Variants in PCDH9 observed in about 807,000 individuals in gnomAD.
PCDH9 encodes the protein protocadherin 9, also known as protocadherin-9.
Under a neutral mutation model 70.6 loss-of-function variants are expected in PCDH9, and 24 were observed. The observed-to-expected ratio is 0.34, with a 90% CI of 0.25 to 0.48. The LOEUF is 0.48. Ranked by LOEUF, PCDH9 falls within the 20% of genes least tolerant of loss-of-function variation. The pLI is 0.99. For missense variants in PCDH9, 1,281 were observed against 1,503.6 expected (o/e 0.85, Z 2.45); for synonymous variants, 562 against 558.5 (o/e 1.01, Z -0.09).
chr13:67,059,430 C>T (rs960088253), intron 2 of PCDH9, among the ~76,000 whole-genome samples: 1 of 140,204 alleles, frequency 7.1e-6, no homozygotes. Flanking sequence ...ATAGTATATA[C>T]TATATATAAT....
chr13:66,635,812 A>G (rs1029685101), intron 3 of PCDH9, among the ~76,000 whole-genome samples: 4 of 152,226 alleles, frequency 2.6e-5, no homozygotes, highest in African/African-American at 9.6e-5. Context: ...AGACATTCCT[A>G]TGTGCAAGGA....
chr13:67,133,156 T>C (rs911672400), intron 2 of PCDH9, among the ~76,000 whole-genome samples: 4 of 152,040 alleles, frequency 2.6e-5, no homozygotes, highest in African/African-American at 9.7e-5. Flanking sequence ...AGGCAAAATT[T>C]CAAAACATAA....
chr13:66,512,824 T>G (rs1261136741), intron 4 of PCDH9, among the ~76,000 whole-genome samples: 1 of 152,010 alleles, frequency 6.6e-6, no homozygotes, highest in Non-Finnish European at 1.5e-5. Context: ...TTTTTTGTTT[T>G]GTTTTGTTTT....
chr13:66,328,384 G>C (rs1955881847), intron 4 of PCDH9, among the ~76,000 whole-genome samples: 2 of 152,238 alleles, frequency 1.3e-5, no homozygotes, highest in Admixed American at 6.5e-5. Flanking sequence ...AAAGTAAGAA[G>C]TGCCTTAGAA....
At chr13:66,787,553 C>A (rs1228677597) in intron 3 of PCDH9, among the ~76,000 whole-genome samples, 1 of 151,766 alleles carries the variant, frequency 6.6e-6, no homozygotes, top group Non-Finnish European at 1.5e-5. Context: ...AGGACGGAGG[C>A]TGCAGTGAGC....
At chr13:66,972,486 G>A (rs1032156845) in intron 2 of PCDH9, among the ~76,000 whole-genome samples, 11 of 151,774 alleles carry the variant, frequency 7.2e-5, no homozygotes, top group African/African-American at 2.7e-4. Flanking sequence ...AGAAGAACAC[G>A]GCTTAAGTCA....
intron 3 of PCDH9, among the ~76,000 whole-genome samples, chr13:66,763,531 T>A (rs2079660971): frequency 6.6e-6 from 1 of 152,026 alleles, no homozygotes; most frequent in African/African-American, 2.4e-5. Context: ...CCTATTTTCC[T>A]ATAGATGTTC....
chr13:66,329,572 CA>C (rs1232017969), intron 4 of PCDH9, among the ~76,000 whole-genome samples: 7 of 152,094 alleles, frequency 4.6e-5, no homozygotes, highest in Admixed American at 1.3e-4. Flanking sequence ...TGATGAAGAA[CA>C]ATATGGCTCA....
intron 2 of PCDH9, among the ~76,000 whole-genome samples, chr13:67,147,439 T>C (rs1347013490): frequency 2.0e-5 from 3 of 152,100 alleles, no homozygotes; most frequent in Admixed American, 2.0e-4. Flanking sequence ...CAACATGCTG[T>C]TTGGTTACAA....
At chr13:67,031,188 A>G (rs776116684) in intron 2 of PCDH9, among the ~76,000 whole-genome samples, 16 of 152,332 alleles carry the variant, frequency 1.1e-4, no homozygotes, top group Admixed American at 5.9e-4. Flanking sequence ...TAAAGAACCA[A>G]TAATGAAACT....
chr13:66,365,950 A>G (rs1035972024), intron 4 of PCDH9, among the ~76,000 whole-genome samples: 1 of 152,146 alleles, frequency 6.6e-6, no homozygotes, highest in Non-Finnish European at 1.5e-5. Context: ...GAGAAATCAT[A>G]TAATTATATA....
intron 4 of PCDH9, among the ~76,000 whole-genome samples, chr13:66,458,732 G>A (rs1218887764): frequency 2.0e-5 from 3 of 151,988 alleles, no homozygotes; most frequent in African/African-American, 7.2e-5. Flanking sequence ...GACATTCGAA[G>A]AGTCCAAGCT....
intron 4 of PCDH9, among the ~76,000 whole-genome samples, chr13:66,556,182 T>A (rs2138692525): frequency 6.6e-6 from 1 of 152,058 alleles, no homozygotes; most frequent in African/African-American, 2.4e-5. Flanking sequence ...CTGAATGTTA[T>A]CTTTTCAGTA....
At chr13:66,635,651 T>G (rs1464542649) in intron 3 of PCDH9, among the ~76,000 whole-genome samples, 1 of 152,112 alleles carries the variant, frequency 6.6e-6, no homozygotes, top group Non-Finnish European at 1.5e-5. Context: ...CACTGAGCAT[T>G]GTTCTTCAAG....
chr13:66,619,122 C>A (rs2077392719), intron 4 of PCDH9, among the ~76,000 whole-genome samples: 1 of 152,076 alleles, frequency 6.6e-6, no homozygotes, highest in Non-Finnish European at 1.5e-5. Context: ...TGTTTTATAT[C>A]AATAGCTTAA....
chr13:67,018,616 C>CAAAA lies in PCDH9; in HGVS notation c.3037-115015_3037-115012dup, dbSNP rs1555297704. 7.6e-3 allele frequency among the ~76,000 whole-genome samples: 581 copies of CAAAA among 76,728 alleles called. 3 individuals are homozygous for CAAAA. Among genetic ancestry groups the CAAAA allele is most frequent in the Non-Finnish European group, 0.012 (477 of 39,248 alleles). The allele number at this position is 76,728 out of a possible 152,430, so 50.3% of individuals were successfully genotyped here. A position where few individuals can be genotyped will look rare whatever the true frequency, so the allele number is the denominator to read the frequency against. ...CCTGGCAACAGAGCGAGACTCGTCTCAAAAAAAAAAAAAAAAGGAAAAAAA... is the reference window on the plus strand; with the variant it reads ...CCTGGCAACAGAGCGAGACTCGTCTCAAAAAAAAAAAAAAAAAAAAGGAAAAAAA... On this transcript the variant is annotated intron_variant, in intron 2 of 4. Coordinates refer to ENST00000377865, the MANE Select transcript of PCDH9 (RefSeq NM_203487.3).
intron 3 of PCDH9, among the ~76,000 whole-genome samples, chr13:66,816,905 G>A (rs1464642982): frequency 6.7e-6 from 1 of 149,208 alleles, no homozygotes; most frequent in African/African-American, 2.5e-5. Flanking sequence ...CATGTTTAAA[G>A]GATAATGTGA....
intron 3 of PCDH9, among the ~76,000 whole-genome samples, chr13:66,876,516 T>G (rs193090596): frequency 6.6e-6 from 1 of 152,290 alleles, no homozygotes; most frequent in East Asian, 1.9e-4. Context: ...AACTTATGTT[T>G]TAGTAGAATG....
chr13:66,339,321 T>C (rs1405246098), intron 4 of PCDH9, among the ~76,000 whole-genome samples: 1 of 152,098 alleles, frequency 6.6e-6, no homozygotes, highest in Non-Finnish European at 1.5e-5. Flanking sequence ...GACATTACAC[T>C]CAATGGCAGA....
Sources: gnomAD v4.1 joint callset for allele counts (sites outside exome capture counted in the v4.1 genomes callset) on GRCh38, gnomAD v4.1.1 for gene constraint, MANE v1.5 for transcripts, NCBI Gene and HGNC (gene_info 2026-07-23, HGNC 2026-07-21) for gene names.